SLC30A7: variants seen among roughly 807,000 people sequenced by gnomAD.
SLC30A7 encodes the protein zinc transporter 7.
In SLC30A7, 35 loss-of-function variants were observed where a neutral mutation model predicts 46.0. The observed-to-expected ratio is 0.76, with a 90% CI of 0.58 to 1.01. The LOEUF (loss-of-function observed/expected upper bound fraction) is 1.01, where lower values mean the gene tolerates loss of function less well. Among genes scored for constraint, SLC30A7 ranks in the 50% least tolerant of loss-of-function variants. The pLI, the probability that SLC30A7 is intolerant of heterozygous loss-of-function variation, is 0.00. For synonymous variants in SLC30A7, 147 were observed against 157.8 expected (o/e 0.93, Z 0.51); for missense variants, 464 against 451.1 (o/e 1.03, Z -0.26).
intron 8 of SLC30A7, among the ~76,000 whole-genome samples, chr1:100,946,776 G>C (rs1200286693): frequency 6.6e-6 from 1 of 152,056 alleles, no homozygotes; most frequent in Non-Finnish European, 1.5e-5. Flanking sequence ...GCCGGGCTTT[G>C]GTATCTGCAT....
At chr1:100,986,145 C>T (rs914773296), downstream of SLC30A7, among the ~76,000 whole-genome samples, 1 of 152,212 alleles carries the variant, frequency 6.6e-6, no homozygotes, top group African/African-American at 2.4e-5. Context: ...CACAGTGGCT[C>T]ATGCCTGTAA....
chr1:100,961,969 T>G, intron 9 of SLC30A7, 51 bp downstream of exon 9: 4 of 1,177,088 alleles, frequency 3.4e-6, no homozygotes, highest in Non-Finnish European at 4.9e-6. Context: ...TTTCAATCTC[T>G]TGATTTTCAG....
intron 2 of SLC30A7, among the ~76,000 whole-genome samples, chr1:100,904,824 T>G (rs547597554): frequency 6.6e-6 from 1 of 152,300 alleles, no homozygotes; most frequent in Admixed American, 6.5e-5. Context: ...TTGTTAACTT[T>G]AACCCAAAGC....
At chr1:100,946,821 C>A (rs11583919) in intron 8 of SLC30A7, among the ~76,000 whole-genome samples, 1 of 152,086 alleles carries the variant, frequency 6.6e-6, no homozygotes, top group African/African-American at 2.4e-5. Flanking sequence ...AGGGAGGATG[C>A]CCTCTTTTTC....
downstream of SLC30A7, among the ~76,000 whole-genome samples, chr1:100,983,281 A>G (rs879434487): frequency 5.3e-5 from 8 of 151,410 alleles, no homozygotes; most frequent in Non-Finnish European, 1.0e-4. Context: ...GCAATTTACT[A>G]CTTTTTTTCA....
rs1385373869 is a variant in SLC30A7, at chr1:100,896,220, C to T, written c.-43C>T. Reference sequence around the variant, plus strand: ...TCACTGCCATCACCCCACGGAGCCACTTCTAGAGGGGAGTAGACCCGGCCC... The same window carrying T: ...TCACTGCCATCACCCCACGGAGCCATTTCTAGAGGGGAGTAGACCCGGCCC... On this transcript the variant is annotated 5_prime_UTR_variant, in exon 1 of 11. Coordinates refer to ENST00000357650, the MANE Select transcript of SLC30A7 (RefSeq NM_133496.5). 1.9e-6 allele frequency: 3 copies of T among 1,590,882 alleles called. No homozygotes were observed. The highest frequency in any genetic ancestry group is 3.3e-5 in the Admixed American group (2 of 59,974).
chr1:100,962,129 T>A (rs541813996), intron 9 of SLC30A7, among the ~76,000 whole-genome samples: 1 of 152,314 alleles, frequency 6.6e-6, no homozygotes, highest in South Asian at 2.1e-4. Flanking sequence ...ATTGTTCTGA[T>A]CTAGAAATTG....
At chr1:100,947,913 C>G (rs1314078304) in intron 8 of SLC30A7, among the ~76,000 whole-genome samples, 1 of 152,142 alleles carries the variant, frequency 6.6e-6, no homozygotes, top group Non-Finnish European at 1.5e-5. Flanking sequence ...AGATCTTCCT[C>G]CATCCCTTTA....
intron 6 of SLC30A7, among the ~76,000 whole-genome samples, chr1:100,916,049 C>T (rs1197232004): frequency 1.3e-5 from 2 of 152,012 alleles, no homozygotes; most frequent in East Asian, 3.9e-4. Flanking sequence ...TTTAATGTAC[C>T]TGTTGGCTAT....
At chr1:100,966,760 T>C (rs1026379677) in intron 10 of SLC30A7, among the ~76,000 whole-genome samples, 2 of 152,208 alleles carry the variant, frequency 1.3e-5, no homozygotes, top group African/African-American at 4.8e-5. Context: ...TGCACATTTC[T>C]TATAAGATAT....
the SLC30A7 span, chr1:100,990,649 T>C: frequency 1.9e-5 from 30 of 1,602,542 alleles, no homozygotes; most frequent in Non-Finnish European, 2.5e-5. Flanking sequence ...AAAAAAAAGA[T>C]ACTGCTATTC....
chr1:100,958,176 G>A (rs1041352784), intron 8 of SLC30A7, among the ~76,000 whole-genome samples: 1 of 151,654 alleles, frequency 6.6e-6, no homozygotes, highest in Admixed American at 6.6e-5. Context: ...TTGCGTTGTT[G>A]TTGTTTTCTT....
At chr1:100,898,221 T>C (rs1651093497) in intron 2 of SLC30A7, among the ~76,000 whole-genome samples, 2 of 152,314 alleles carry the variant, frequency 1.3e-5, no homozygotes, top group South Asian at 4.1e-4. Flanking sequence ...TGGCTTTCCA[T>C]TACATAAGTC....
intron 2 of SLC30A7, among the ~76,000 whole-genome samples, chr1:100,903,905 G>A (rs772674954): frequency 6.6e-6 from 1 of 152,058 alleles, no homozygotes; most frequent in Non-Finnish European, 1.5e-5. Flanking sequence ...ATATTAAGAG[G>A]TATGGGTTGT....
At chr1:100,968,129 T>A (rs1183199922) in intron 10 of SLC30A7, among the ~76,000 whole-genome samples, 1 of 152,180 alleles carries the variant, frequency 6.6e-6, no homozygotes, top group Non-Finnish European at 1.5e-5. Context: ...GCTGAAGGGT[T>A]CACAGGTATT....
intron 8 of SLC30A7, among the ~76,000 whole-genome samples, chr1:100,924,425 A>G (rs796670382): frequency 2.0e-5 from 3 of 152,054 alleles, no homozygotes; most frequent in East Asian, 3.8e-4. Flanking sequence ...TCCCACCAGC[A>G]TATGTGTATG....
chr1:100,982,766 T>C (rs1422915450), downstream of SLC30A7, among the ~76,000 whole-genome samples: 1 of 152,198 alleles, frequency 6.6e-6, no homozygotes, highest in Non-Finnish European at 1.5e-5. Flanking sequence ...CCAACTTTTG[T>C]CCAGGTGCTT....
chr1:100,897,876 T>G (rs1479983582), intron 2 of SLC30A7, among the ~76,000 whole-genome samples: 1 of 152,220 alleles, frequency 6.6e-6, no homozygotes, highest in Non-Finnish European at 1.5e-5. Flanking sequence ...TGTGTTAATT[T>G]GAAGGATACC....
intron 8 of SLC30A7, among the ~76,000 whole-genome samples, chr1:100,939,693 CA>C (rs1451600523): frequency 1.4e-5 from 2 of 144,760 alleles, no homozygotes; most frequent in South Asian, 2.2e-4. Flanking sequence ...AAAAAAAATA[CA>C]AAAAATTAGC....
Sources: allele counts gnomAD v4.1 joint callset (sites outside exome capture counted in the v4.1 genomes callset), GRCh38; gene constraint gnomAD v4.1.1; transcripts MANE v1.5; gene names NCBI Gene and HGNC (gene_info 2026-07-23, HGNC 2026-07-21).